The following NUDT3 variants were observed in gnomAD, a reference collection of about 807,000 sequenced individuals.
The protein encoded by NUDT3 is diphosphoinositol polyphosphate phosphohydrolase 1.
Under a neutral mutation model 23.6 loss-of-function variants are expected in NUDT3, and 9 were observed. The ratio of observed to expected loss-of-function variants is 0.38; its 90% CI spans 0.23 to 0.66. The LOEUF (loss-of-function observed/expected upper bound fraction) is 0.66, where lower values mean the gene tolerates loss of function less well. Ranked by LOEUF, NUDT3 falls within the 30% of genes least tolerant of loss-of-function variation. NUDT3 has a pLI of 0.52. For synonymous variants in NUDT3, 86 were observed against 82.6 expected, an observed-to-expected ratio of 1.04 and a Z score of -0.22; for missense variants, 172 against 218.5, an observed-to-expected ratio of 0.79 and a Z score of 1.34.
At chr6:34,386,749 T>A (rs974464579) in intron 1 of NUDT3, among the ~76,000 whole-genome samples, 5 of 152,164 alleles carry the variant, frequency 3.3e-5, no homozygotes, top group African/African-American at 1.2e-4. Flanking sequence ...AGCTGTGGTG[T>A]CACAGCACAA....
chr6:34,348,313 CG>C (rs139789166), intron 1 of NUDT3, among the ~76,000 whole-genome samples: 14,122 of 150,878 alleles, frequency 0.094, 726 homozygotes, highest in Non-Finnish European at 0.12. Flanking sequence ...CAACAGAAAC[CG>C]CCCCCCACCA....
intron 1 of NUDT3, among the ~76,000 whole-genome samples, chr6:34,367,515 A>G (rs1022116973): frequency 6.6e-6 from 1 of 151,858 alleles, no homozygotes; most frequent in Non-Finnish European, 1.5e-5. Flanking sequence ...AATGTAATAA[A>G]TAAAAGGTAC....
chr6:34,340,205 G>A (rs1324060957), intron 2 of NUDT3, among the ~76,000 whole-genome samples: 3 of 152,186 alleles, frequency 2.0e-5, no homozygotes, highest in African/African-American at 7.2e-5. Context: ...TGGCAGAAGA[G>A]AAAGAAGGGA....
intron 1 of NUDT3, among the ~76,000 whole-genome samples, chr6:34,385,964 G>A (rs1765098488): frequency 6.6e-6 from 1 of 152,192 alleles, no homozygotes; most frequent in Non-Finnish European, 1.5e-5. Context: ...GATTATAGGC[G>A]TGAGCCACCA....
intron 2 of NUDT3, among the ~76,000 whole-genome samples, chr6:34,315,331 C>T (rs1763842290): frequency 6.6e-6 from 1 of 152,170 alleles, no homozygotes; most frequent in Non-Finnish European, 1.5e-5. Context: ...TGCCAAATAC[C>T]ACTACAAAGG....
chr6:34,348,309 A>T (rs1764411554), intron 1 of NUDT3, among the ~76,000 whole-genome samples: 1 of 147,920 alleles, frequency 6.8e-6, no homozygotes, highest in Admixed American at 6.8e-5. Flanking sequence ...GCAACAACAG[A>T]AACCGCCCCC....
chr6:34,295,680 T>C lies in NUDT3; in HGVS notation c.216A>G (p.Gly72=), dbSNP rs756694433. Residue 72 remains glycine, a synonymous_variant, in exon 3 of 5, where the codon GGA becomes GGG. Transcript: ENST00000607016. ...AAVREVCEEA[G]VKGTLGRLVG... is the part of the protein sequence containing the mutation. ...CTAATCTTCCCAATGTCCCTTTTAC[T>C]CCAGCCTAGAAAGTGAAAAGAACAA... The C allele has an allele frequency of 1.2e-6, 2 of 1,613,868 alleles. No homozygotes were observed. Among genetic ancestry groups the C allele is most frequent in the Non-Finnish European group, 1.7e-6 (2 of 1,179,936 alleles).
At chr6:34,382,594 G>A (rs867383769) in intron 1 of NUDT3, among the ~76,000 whole-genome samples, 11 of 151,124 alleles carry the variant, frequency 7.3e-5, no homozygotes, top group Middle Eastern at 3.4e-3. Flanking sequence ...CTGCTGCTTC[G>A]GTCAAGGCAG....
chr6:34,291,413 C>A (rs927912940), intron 4 of NUDT3, among the ~76,000 whole-genome samples: 5 of 152,102 alleles, frequency 3.3e-5, no homozygotes, highest in African/African-American at 1.2e-4. Context: ...AAGTGCTTTA[C>A]AGAAAGGCGA....
chr6:34,373,960 C>A (rs1289523325), intron 1 of NUDT3, among the ~76,000 whole-genome samples: 1 of 151,958 alleles, frequency 6.6e-6, no homozygotes, highest in African/African-American at 2.4e-5. Context: ...TTGAGACCAG[C>A]CTGGCCAACA....
chr6:34,289,360 A>G (rs1763383211), intron 4 of NUDT3, among the ~76,000 whole-genome samples: 1 of 152,224 alleles, frequency 6.6e-6, no homozygotes, highest in Non-Finnish European at 1.5e-5. Context: ...TGAGCCCAGG[A>G]GTTTGAGACT....
At chr6:34,391,470 C>A (rs925078512) in intron 1 of NUDT3, among the ~76,000 whole-genome samples, 1 of 151,990 alleles carries the variant, frequency 6.6e-6, no homozygotes, top group East Asian at 1.9e-4. Flanking sequence ...TTTTAAAGTA[C>A]CCTACCTATT....
intron 2 of NUDT3, among the ~76,000 whole-genome samples, chr6:34,321,266 CAT>C (rs989833674): frequency 3.3e-5 from 5 of 151,904 alleles, no homozygotes; most frequent in Non-Finnish European, 5.9e-5. Context: ...AGTGAAACCC[CAT>C]CTCTACTAAA....
intron 1 of NUDT3, among the ~76,000 whole-genome samples, chr6:34,363,331 G>C (rs1256776666): frequency 6.6e-6 from 1 of 152,246 alleles, no homozygotes; most frequent in South Asian, 2.1e-4. Context: ...ACAAGTACTG[G>C]CATTTAGTCA....
chr6:34,378,004 T>C (rs777800888), intron 1 of NUDT3, among the ~76,000 whole-genome samples: 12 of 151,814 alleles, frequency 7.9e-5, no homozygotes, highest in Non-Finnish European at 1.5e-4. Flanking sequence ...AAGAAATTTT[T>C]ACTACAAAAA....
At chr6:34,300,401 G>A (rs890882756) in intron 2 of NUDT3, among the ~76,000 whole-genome samples, 3 of 152,184 alleles carry the variant, frequency 2.0e-5, no homozygotes, top group African/African-American at 7.2e-5. Context: ...TCCAGGTGGG[G>A]GTTGTGGTGT....
chr6:34,357,726 A>G (rs1764584771), intron 1 of NUDT3, among the ~76,000 whole-genome samples: 1 of 152,152 alleles, frequency 6.6e-6, no homozygotes, highest in Admixed American at 6.5e-5. Context: ...ACCTGCTGAG[A>G]TTTTGATTAG....
chr6:34,381,846 AG>A (rs1475932720), intron 1 of NUDT3, among the ~76,000 whole-genome samples: 1 of 151,882 alleles, frequency 6.6e-6, no homozygotes, highest in Non-Finnish European at 1.5e-5. Flanking sequence ...AGGCCGAGGC[AG>A]GCAGATCACG....
chr6:34,379,450 C>T (rs1365058541), intron 1 of NUDT3, among the ~76,000 whole-genome samples: 2 of 151,882 alleles, frequency 1.3e-5, no homozygotes, highest in African/African-American at 2.4e-5. Context: ...ATCCCAGCTA[C>T]TTGGGAGGCT....
Sources: gnomAD v4.1 joint callset for allele counts (sites outside exome capture counted in the v4.1 genomes callset) on GRCh38, gnomAD v4.1.1 for gene constraint, MANE v1.5 for transcripts, NCBI Gene and HGNC (gene_info 2026-07-23, HGNC 2026-07-21) for gene names.